PCSK6: variants seen among roughly 807,000 people sequenced by gnomAD.
The protein encoded by PCSK6 is paired basic amino acid cleaving enzyme 4.
PCSK6 carries 85 observed loss-of-function variants against 123.3 expected under a neutral mutation model. That is an observed-to-expected ratio of 0.69 (90% CI 0.58 to 0.83). The LOEUF (loss-of-function observed/expected upper bound fraction) is 0.83. Among genes scored for constraint, PCSK6 ranks in the 40% least tolerant of loss-of-function variants. The probability of loss-of-function intolerance (pLI) is 0.00; values close to 1 mark genes in which losing one functional copy is unlikely to be tolerated. For synonymous variants in PCSK6, 508 were observed against 516.0 expected, an observed-to-expected ratio of 0.98 and a Z score of 0.21; for missense variants, 1,191 against 1,282.3, an observed-to-expected ratio of 0.93 and a Z score of 1.09.
chr15:101,417,207 A>G (rs1027644099), intron 6 of PCSK6, among the ~76,000 whole-genome samples: 7 of 152,158 alleles, frequency 4.6e-5, no homozygotes, highest in Non-Finnish European at 1.0e-4. Flanking sequence ...TGCCACCGCC[A>G]TGTTAAGAAG....
chr15:101,401,604 G>A (rs558957976), intron 6 of PCSK6, among the ~76,000 whole-genome samples: 1 of 152,338 alleles, frequency 6.6e-6, no homozygotes, highest in Non-Finnish European at 1.5e-5. Flanking sequence ...ACTGTGACCA[G>A]GTAGTGACTC....
chr15:101,422,912 C>T (rs548872960), intron 6 of PCSK6, among the ~76,000 whole-genome samples: 9 of 152,274 alleles, frequency 5.9e-5, no homozygotes, highest in Non-Finnish European at 1.3e-4. Context: ...TGAGCCACCG[C>T]GCCTGGCCAA....
At chr15:101,384,288 C>T (rs541967621) in intron 10 of PCSK6, 34 bp downstream of exon 10, 2 of 1,607,680 alleles carry the variant, frequency 1.2e-6, no homozygotes, top group African/African-American at 1.3e-5. Context: ...ATTCCAGGGC[C>T]ACCCAATGGT....
At chr15:101,440,129 C>T (rs1231175219) in intron 2 of PCSK6, among the ~76,000 whole-genome samples, 2 of 152,176 alleles carry the variant, frequency 1.3e-5, no homozygotes, top group Non-Finnish European at 2.9e-5. Context: ...AGACTTTTGG[C>T]AAAAGAACAA....
In PCSK6 at chr15:101,398,701, C is replaced by G. The variant is rs2042496082; in HGVS notation, c.824-125G>C. 1 of 1,032,954 alleles carries G rather than the reference C, an allele frequency of 9.7e-7. No homozygotes were observed. Among genetic ancestry groups the G allele is most frequent in the Non-Finnish European group, 1.4e-6 (1 of 732,160 alleles). 64.0% of individuals were successfully genotyped at this position (1,032,954 alleles called of 1,614,324 possible). A position where few individuals can be genotyped will look rare whatever the true frequency, so the allele number is the denominator to read the frequency against. ...GAGTCCCTCCCCAGCAGGGGCTGTTCCCAGTCATTCTGCAAAACTGGCTCC... is the reference window on the plus strand; with the variant it reads ...GAGTCCCTCCCCAGCAGGGGCTGTTGCCAGTCATTCTGCAAAACTGGCTCC... On this transcript the variant is annotated intron_variant, in intron 6 of 21. Transcript: ENST00000611716. The surrounding 1 kb of genome is among the most constrained non-coding windows in gnomAD (Gnocchi z 4.6).
At chr15:101,349,080 A>G (rs1242292881) in intron 13 of PCSK6, among the ~76,000 whole-genome samples, 2 of 152,216 alleles carry the variant, frequency 1.3e-5, no homozygotes, top group African/African-American at 4.8e-5. Context: ...GGAAGGACAG[A>G]ACCAAAGCTG....
chr15:101,468,933 A>G (rs1458021718), intron 1 of PCSK6, among the ~76,000 whole-genome samples: 1 of 152,224 alleles, frequency 6.6e-6, no homozygotes, highest in Non-Finnish European at 1.5e-5. Flanking sequence ...ATCATATTTT[A>G]CAGGTGAATG....
chr15:101,366,527 A>T (rs1462865589), intron 12 of PCSK6, among the ~76,000 whole-genome samples, 195 bp from the exon 13 acceptor site: 1 of 151,860 alleles, frequency 6.6e-6, no homozygotes, highest in Non-Finnish European at 1.5e-5. Context: ...GCTCTTACAC[A>T]GACTCTCTCC....
At chr15:101,407,699 G>A (rs1217459517) in intron 6 of PCSK6, among the ~76,000 whole-genome samples, 1 of 152,070 alleles carries the variant, frequency 6.6e-6, no homozygotes, top group Admixed American at 6.5e-5. Context: ...CCACCACAAG[G>A]CCTCTGGCCC....
In PCSK6 at chr15:101,360,741, C is replaced by T. The variant is rs147653386; in HGVS notation, c.1858+5455G>A. The stretch of plus-strand genomic sequence containing the variant: ...CCCGGGGGCCTCAGCATCCCCTGAA[C>T]GCTTTGCTTGGAATGCCCTTTTCCC... On this transcript the variant is annotated intron_variant, in intron 13 of 21. Transcript: ENST00000611716. Among the ~76,000 whole-genome samples, 498 of 152,000 alleles carry T rather than the reference C, an allele frequency of 3.3e-3. 1 individual carries two copies. The highest frequency in any genetic ancestry group is 5.3e-3 in the Non-Finnish European group (360 of 67,966).
intron 13 of PCSK6, chr15:101,347,786 C>G (rs773558745): frequency 6.2e-7 from 1 of 1,610,292 alleles, no homozygotes; most frequent in South Asian, 1.1e-5. Flanking sequence ...CCCTGGAAAA[C>G]AAGGGACTGA....
At chr15:101,433,859 G>A (rs2056519704) in intron 2 of PCSK6, among the ~76,000 whole-genome samples, 1 of 152,222 alleles carries the variant, frequency 6.6e-6, no homozygotes. Context: ...GACATCCTTG[G>A]TGTACAGGGC....
chr15:101,366,176 G>A lies in PCSK6; in HGVS notation c.1858+20C>T. 1 of 1,602,984 alleles carries A rather than the reference G, an allele frequency of 6.2e-7. No homozygotes were observed. Among genetic ancestry groups the A allele is most frequent in the African/African-American group, 1.3e-5 (1 of 74,530 alleles). ...GCTTGAGATACAAAAGCTGTCATGA[G>A]ATTCCCAAGAGCCACTGACCTTGCT... On this transcript the variant is annotated intron_variant, in intron 13 of 21. Transcript: ENST00000611716.
At chr15:101,396,432 G>A (rs988587326) in intron 7 of PCSK6, among the ~76,000 whole-genome samples, 2 of 152,120 alleles carry the variant, frequency 1.3e-5, no homozygotes, top group South Asian at 2.1e-4. Context: ...AAATCATCCC[G>A]TAGAAATGAC....
At chr15:101,426,684 C>T (rs1372631078) in intron 6 of PCSK6, among the ~76,000 whole-genome samples, 2 of 152,200 alleles carry the variant, frequency 1.3e-5, no homozygotes, top group South Asian at 4.1e-4. Context: ...GACTGGTGAT[C>T]CAGGGAACCG....
chr15:101,313,320 C>T, intron 20 of PCSK6, 56 bp downstream of exon 20: 2 of 1,612,260 alleles, frequency 1.2e-6, no homozygotes, highest in Non-Finnish European at 1.7e-6. Flanking sequence ...CTCTGCCCTC[C>T]AGGCACTCCT....
chr15:101,411,957 G>C (rs72772611), intron 6 of PCSK6, among the ~76,000 whole-genome samples: 5,153 of 152,326 alleles, frequency 0.034, 122 homozygotes, highest in Middle Eastern at 0.065. Context: ...CTGGAGTTGT[G>C]TCAGGATGCC....
chr15:101,363,811 T>TC (rs11385688), intron 13 of PCSK6, among the ~76,000 whole-genome samples: 1 of 151,144 alleles, frequency 6.6e-6, no homozygotes, highest in African/African-American at 2.4e-5. Context: ...TTTTTTTTTT[T>TC]GGATTTTTAG....
At chr15:101,393,963 C>G (rs58329356) in intron 7 of PCSK6, among the ~76,000 whole-genome samples, 5,762 of 152,068 alleles carry the variant, frequency 0.038, 352 homozygotes, top group African/African-American at 0.13. Flanking sequence ...ATGAACTCTG[C>G]GTGAAGACAG....
Sources: allele counts gnomAD v4.1 joint callset (sites outside exome capture counted in the v4.1 genomes callset), GRCh38; gene constraint gnomAD v4.1.1; non-coding constraint Gnocchi (gnomAD v3.1); transcripts MANE v1.5; gene names NCBI Gene and HGNC (gene_info 2026-07-23, HGNC 2026-07-21).